The following ACACA variants were observed in gnomAD, a reference collection of about 807,000 sequenced individuals.
ACACA encodes acetyl-CoA carboxylase 1.
In ACACA, 103 loss-of-function variants were observed where a neutral mutation model predicts 296.1. The ratio of observed to expected loss-of-function variants is 0.35; its 90% CI spans 0.30 to 0.41. The LOEUF is 0.41. Ranked by LOEUF, ACACA falls within the 10% of genes least tolerant of loss-of-function variation. The pLI is 1.00. For missense variants in ACACA, 1,554 were observed against 2,989.7 expected, an observed-to-expected ratio of 0.52 and a Z score of 11.20; for synonymous variants, 953 against 1,038.6, an observed-to-expected ratio of 0.92 and a Z score of 1.58.
At position 37,360,871 on chromosome 17, in the gene ACACA, G is replaced by GA. The variant is rs926402079; in HGVS notation, c.39-21022dup. On this transcript the variant is annotated intron_variant, in intron 1 of 55. Coordinates refer to ENST00000616317, the MANE Select transcript of ACACA (RefSeq NM_198834.3). The stretch of plus-strand genomic sequence containing the variant: ...AGTAAGATGTTTGATTTGACTCACC[G>GA]AAAAAAATGGCCTGGGAAGAGGGAA... Among the ~76,000 whole-genome samples the GA allele has an allele frequency of 4.6e-5, 7 of 151,968 alleles. 1 individual carries two copies. Among genetic ancestry groups the GA allele is most frequent in the South Asian group, 4.2e-4 (2 of 4,816 alleles).
chr17:37,373,634 C>T (rs2049888781), intron 1 of ACACA, among the ~76,000 whole-genome samples: 1 of 152,190 alleles, frequency 6.6e-6, no homozygotes, highest in Admixed American at 6.5e-5. Context: ...CATCTTTCGC[C>T]AAGCACAAGG....
chr17:37,242,969 G>C (rs2680390), intron 22 of ACACA, among the ~76,000 whole-genome samples: 1 of 151,660 alleles, frequency 6.6e-6, no homozygotes. Flanking sequence ...CGGGAGGCAG[G>C]GGTTGCAGTG....
chr17:37,093,129 A>G (rs1333755593), intron 54 of ACACA, among the ~76,000 whole-genome samples: 3 of 152,142 alleles, frequency 2.0e-5, no homozygotes. Flanking sequence ...AGACTTATTC[A>G]TCAGTAGCCT....
intron 45 of ACACA, among the ~76,000 whole-genome samples, chr17:37,133,825 G>T (rs996479217): frequency 1.3e-5 from 2 of 152,164 alleles, no homozygotes; most frequent in Admixed American, 1.3e-4. Flanking sequence ...TTCTCCTGAG[G>T]CCTCACTTTC....
chr17:37,263,690 C>G lies in ACACA; in HGVS notation c.1324G>C (p.Glu442Gln). The change falls in exon 11 of 56, where the codon GAA (glutamate) becomes CAA (glutamine). Residue 442 changes from glutamate (E) to glutamine (Q), a missense_variant. Physicochemically the swap from Glu to Gln is conservative, Grantham distance 29 (BLOSUM62 2). This residue lies in a region of ACACA where 82 missense variants were observed against 185.2 expected (regional missense o/e 0.44). Transcript: ENST00000616317. ...IATPAVFEHM[E>Q]QCAVKLAKMV... ...AAGCCTTTTAATATATGTACCTGTT[C>G]CATGTGTTCAAATACTGCTGGAGTA... The G allele has an allele frequency of 6.2e-7, 1 of 1,613,364 alleles. No homozygotes were observed. Among genetic ancestry groups the G allele is most frequent in the Non-Finnish European group, 8.5e-7 (1 of 1,179,440 alleles).
intron 3 of ACACA, among the ~76,000 whole-genome samples, chr17:37,285,648 T>TA (rs201619716): frequency 0.011 from 1,635 of 142,356 alleles, 22 homozygotes; most frequent in African/African-American, 0.04. Context: ...ACCCTGTCTA[T>TA]AAAAAAAATA....
intron 1 of ACACA, among the ~76,000 whole-genome samples, chr17:37,344,519 T>C (rs751676200): frequency 2.6e-5 from 4 of 152,050 alleles, no homozygotes; most frequent in Admixed American, 6.6e-5. Flanking sequence ...GATCATGCCA[T>C]TGCATTCCAG....
chr17:37,276,767 A>G (rs1477064621), intron 7 of ACACA, among the ~76,000 whole-genome samples: 1 of 152,228 alleles, frequency 6.6e-6, no homozygotes, highest in African/African-American at 2.4e-5. Context: ...TTAAAAGGTC[A>G]GAGTTTTAGA....
intron 2 of ACACA, 48 bp from the exon 3 acceptor site, chr17:37,330,473 TATATCTG>T (rs767411703): frequency 1.2e-6 from 2 of 1,609,656 alleles, no homozygotes; most frequent in Admixed American, 3.3e-5. Flanking sequence ...AATAATAATC[TATATCTG>T]AGGTCAGCCA....
intron 1 of ACACA, among the ~76,000 whole-genome samples, chr17:37,351,237 G>A (rs1367321922): frequency 6.6e-6 from 1 of 152,084 alleles, no homozygotes; most frequent in Non-Finnish European, 1.5e-5. Flanking sequence ...CAAGACCGGA[G>A]GATCACCTGA....
chr17:37,109,549 C>T (rs1396628958), intron 52 of ACACA, among the ~76,000 whole-genome samples: 6 of 152,182 alleles, frequency 3.9e-5, no homozygotes, highest in Admixed American at 2.6e-4. Flanking sequence ...GACTAAGGGT[C>T]CTTTTTCAAG....
chr17:37,105,027 C>A (rs2073594895), intron 52 of ACACA, among the ~76,000 whole-genome samples: 1 of 151,480 alleles, frequency 6.6e-6, no homozygotes, highest in Non-Finnish European at 1.5e-5. Context: ...ATTTTTTGCC[C>A]AGCCATATCA....
In ACACA at chr17:37,390,140, GTATATATATATATATATA is replaced by G. The variant is rs1243535532; in HGVS notation, c.38+16104_38+16121del. Among the ~76,000 whole-genome samples the G allele has an allele frequency of 1.7e-4, 6 of 34,632 alleles. 1 individual carries two copies. The highest frequency in any genetic ancestry group is 2.3e-4 in the Non-Finnish European group (5 of 21,360). The allele number at this position is 34,632 out of a possible 152,430, so 22.7% of individuals were successfully genotyped here. A position where few individuals can be genotyped will look rare whatever the true frequency, so the allele number is the denominator to read the frequency against. Reference sequence around the variant, plus strand: ...GACACTGTCTCTATTAAAAAAAAAAGTATATATATATATATATATATATATATATATATATACACACAC... The same window carrying G: ...GACACTGTCTCTATTAAAAAAAAAAGTATATATATATATATATACACACAC... On this transcript the variant is annotated intron_variant, in intron 1 of 55. Transcript: ENST00000616317.
chr17:37,257,343 C>A (rs1014898529), intron 14 of ACACA, among the ~76,000 whole-genome samples: 8 of 152,064 alleles, frequency 5.3e-5, no homozygotes, highest in African/African-American at 1.9e-4. Flanking sequence ...AAATAAAAGT[C>A]TATGATTTAT....
intron 31 of ACACA, 50 bp downstream of exon 31, chr17:37,207,607 A>T (rs781768044): frequency 5.4e-5 from 87 of 1,609,448 alleles, no homozygotes; most frequent in Non-Finnish European, 7.1e-5. Context: ...ACCCCAAAAC[A>T]CAGATGTCCA....
chr17:37,126,225 A>T (rs575257924), intron 47 of ACACA, among the ~76,000 whole-genome samples: 1 of 152,322 alleles, frequency 6.6e-6, no homozygotes, highest in Non-Finnish European at 1.5e-5. Flanking sequence ...TTTTAACTGA[A>T]GGCTAAAAAC....
intron 48 of ACACA, among the ~76,000 whole-genome samples, chr17:37,125,394 AT>A: frequency 6.6e-6 from 1 of 152,288 alleles, no homozygotes; most frequent in Non-Finnish European, 1.5e-5. Flanking sequence ...AGGGAAAGTC[AT>A]TGGTGGGCTC....
chr17:37,289,636 T>C lies in ACACA; in HGVS notation c.339-4666A>G, dbSNP rs905997306. The C allele has an allele frequency of 2.4e-5, 14 of 571,868 alleles. No homozygotes were observed. In the Admixed American group the frequency reaches 2.8e-4, roughly 11 times the overall value. 35.4% of individuals were successfully genotyped at this position (571,868 alleles called of 1,614,324 possible). A position where few individuals can be genotyped will look rare whatever the true frequency, so the allele number is the denominator to read the frequency against. ...ATTTAGATACCTAACCAATACCATGTGCTCTCCGGCAGTAATATAATCTAC... is the reference window on the plus strand; with the variant it reads ...ATTTAGATACCTAACCAATACCATGCGCTCTCCGGCAGTAATATAATCTAC... On this transcript the variant is annotated intron_variant, in intron 3 of 55. Transcript: ENST00000616317.
At chr17:37,096,953 G>A (rs1218177853) in intron 54 of ACACA, 43 bp downstream of exon 54, 2 of 1,612,612 alleles carry the variant, frequency 1.2e-6, no homozygotes, top group Non-Finnish European at 1.7e-6. Flanking sequence ...CAGGTGGTGT[G>A]AGGAACTCAG....
Sources: gnomAD v4.1 joint callset for allele counts (sites outside exome capture counted in the v4.1 genomes callset) on GRCh38, gnomAD v4.1.1 for gene constraint, gnomAD v4.1.1 regional missense constraint, MANE v1.5 for transcripts, NCBI Gene and HGNC (gene_info 2026-07-23, HGNC 2026-07-21) for gene names.